Variants in UGT2B7 observed in about 807,000 individuals in gnomAD.
The protein encoded by UGT2B7 is UDP-glucuronosyltransferase 2B7.
UGT2B7 carries 51 observed loss-of-function variants against 51.9 expected under a neutral mutation model. The observed-to-expected ratio is 0.98, with a 90% CI of 0.78 to 1.24. The LOEUF (loss-of-function observed/expected upper bound fraction) is 1.24. Ranked by LOEUF, UGT2B7 falls within the 50% of genes most tolerant of loss-of-function variation. UGT2B7 has a pLI of 0.00. For synonymous variants in UGT2B7, 225 were observed against 211.6 expected, an observed-to-expected ratio of 1.06 and a Z score of -0.55; for missense variants, 727 against 628.4, an observed-to-expected ratio of 1.16 and a Z score of -1.68.
chr4:69,112,682 T>C lies in UGT2B7; in HGVS notation c.1536T>C (p.Cys512=). 6.2e-7 allele frequency: 1 copy of C among 1,613,902 alleles called. No individual in the cohort carries two copies. Among genetic ancestry groups the C allele is most frequent in the East Asian group, 2.2e-5 (1 of 44,864 alleles). ...ATVIFIVTKC[C]LFCFWKFARK... The stretch of plus-strand genomic sequence containing the variant: ...TGATATTTATCGTCACAAAATGTTG[T>C]CTGTTTTGTTTCTGGAAGTTTGCTA... The change falls in exon 6 of 6, where the codon TGT becomes TGC. Residue 512 remains cysteine, a synonymous_variant. Transcript: ENST00000305231.
At chr4:69,082,131 T>C (rs1323853897) in intron 1 of UGT2B7, among the ~76,000 whole-genome samples, 1 of 152,024 alleles carries the variant, frequency 6.6e-6, no homozygotes, top group Non-Finnish European at 1.5e-5. Flanking sequence ...ATGTCCAACT[T>C]AATAAATGGG....
chr4:69,108,352 G>A (rs913522391), intron 5 of UGT2B7, 30 bp downstream of exon 5: 1 of 1,607,310 alleles, frequency 6.2e-7, no homozygotes, highest in African/African-American at 1.3e-5. Flanking sequence ...TCACTAGGTG[G>A]TATTTACAGA....
At chr4:69,084,712 G>C (rs1284931168) in intron 1 of UGT2B7, among the ~76,000 whole-genome samples, 1 of 152,102 alleles carries the variant, frequency 6.6e-6, no homozygotes, top group Admixed American at 6.6e-5. Context: ...GTGAAAACAT[G>C]AAGTGTTTGG....
At position 69,112,470 on chromosome 4, in the gene UGT2B7, G is replaced by GT; in HGVS notation, c.1326dup (p.Met443TyrfsTer9). ...TTTATCTTTCAGATATAAAGAGAATGTTATGAAATTATCAAGAATTCAACA... is the reference window on the plus strand; with the variant it reads ...TTTATCTTTCAGATATAAAGAGAATGTTTATGAAATTATCAAGAATTCAACA... On this transcript the variant is annotated frameshift_variant, in exon 6 of 6. Transcript: ENST00000305231. LOFTEE classifies it high-confidence loss of function. The GT allele has an allele frequency of 6.2e-7, 1 of 1,613,608 alleles. No individual in the cohort carries two copies. Among genetic ancestry groups the GT allele is most frequent in the South Asian group, 1.1e-5 (1 of 91,018 alleles).
upstream of UGT2B7, among the ~76,000 whole-genome samples, chr4:69,093,158 T>A (rs984925517): frequency 2.0e-5 from 3 of 152,156 alleles, no homozygotes; most frequent in Non-Finnish European, 4.4e-5. Flanking sequence ...TGGAAATGAC[T>A]GGAGTCCCCT....
At chr4:69,108,962 T>C (rs1452165801) in intron 5 of UGT2B7, among the ~76,000 whole-genome samples, 2 of 152,108 alleles carry the variant, frequency 1.3e-5, no homozygotes, top group African/African-American at 4.8e-5. Flanking sequence ...GATTATTCTC[T>C]TTAGATATTT....
Position 69,098,707 on chromosome 4 carries a change from G to A in UGT2B7, c.870+19G>A. On this transcript the variant is annotated intron_variant, in intron 2 of 5. Coordinates refer to ENST00000305231, the MANE Select transcript of UGT2B7 (RefSeq NM_001074.4). ...GCCTAAGGTAAACATACTTTTGTTG[G>A]TTTTATTTTGTTGGCTTTGAATTTT... 6.2e-7 allele frequency: 1 copy of A among 1,602,456 alleles called. No homozygotes were observed. The highest frequency in any genetic ancestry group is 8.5e-7 in the Non-Finnish European group (1 of 1,176,512).
upstream of UGT2B7, chr4:69,096,398 T>C (rs1719222502): frequency 2.4e-5 from 35 of 1,449,650 alleles, 1 homozygote; most frequent in South Asian, 4.5e-4. Flanking sequence ...TTTAATGATA[T>C]TGTATGTACT....
chr4:69,074,405 G>A (rs775190204), intron 1 of UGT2B7, among the ~76,000 whole-genome samples: 6 of 136,918 alleles, frequency 4.4e-5, no homozygotes, highest in Non-Finnish European at 7.5e-5. Context: ...CAGCCTGGAC[G>A]ATGGAATAAC....
At chr4:69,072,735 A>G (rs1394067764) in intron 1 of UGT2B7, among the ~76,000 whole-genome samples, 2 of 152,144 alleles carry the variant, frequency 1.3e-5, no homozygotes, top group Non-Finnish European at 2.9e-5. Context: ...AGTGTTCTTT[A>G]TTGATGAAGC....
chr4:69,099,927 C>A (rs1236116096), intron 2 of UGT2B7, among the ~76,000 whole-genome samples: 4 of 151,938 alleles, frequency 2.6e-5, no homozygotes, highest in African/African-American at 9.7e-5. Flanking sequence ...GTAAGATGAG[C>A]TACTTGAAAT....
upstream of UGT2B7, among the ~76,000 whole-genome samples, chr4:69,093,573 G>A (rs1719137976): frequency 6.6e-6 from 1 of 152,182 alleles, no homozygotes; most frequent in Non-Finnish European, 1.5e-5. Flanking sequence ...CTGAAAGCCA[G>A]AGTATCTAAA....
intron 1 of UGT2B7, among the ~76,000 whole-genome samples, chr4:69,080,652 G>A (rs980685804): frequency 6.6e-6 from 1 of 151,818 alleles, no homozygotes; most frequent in East Asian, 1.9e-4. Context: ...GTTTTAAATA[G>A]TATTCCTTTG....
At chr4:69,057,497 A>T (rs1718232825) in intron 1 of UGT2B7, among the ~76,000 whole-genome samples, 15 of 152,240 alleles carry the variant, frequency 9.9e-5, no homozygotes, top group Admixed American at 9.8e-4. Context: ...TTAACGTAAG[A>T]TTACCATATG....
At chr4:69,101,218 A>G (rs1368269709) in intron 2 of UGT2B7, among the ~76,000 whole-genome samples, 2 of 152,112 alleles carry the variant, frequency 1.3e-5, no homozygotes, top group Non-Finnish European at 2.9e-5. Flanking sequence ...TAATAAGATT[A>G]AAATTATCTA....
rs149846053 is a variant in UGT2B7, at chr4:69,089,349, G to A, written c.-158-123G>A. The A allele has an allele frequency of 2.4e-3, 371 of 152,288 alleles. 3 individuals are homozygous for A. The highest frequency in any genetic ancestry group is 8.6e-3 in the African/African-American group (357 of 41,576). The allele number at this position is 152,288 out of a possible 1,614,324, so 9.4% of individuals were successfully genotyped here. On this transcript the variant is annotated intron_variant, in intron 1 of 5. Transcript: ENST00000502942. Reference sequence around the variant, plus strand: ...TTGTAGAGACTGGCAGTACATGGCAGAATATAGGGACAATATAACTATACA... The same window carrying A: ...TTGTAGAGACTGGCAGTACATGGCAAAATATAGGGACAATATAACTATACA...
chr4:69,109,989 T>G (rs1211709724), intron 5 of UGT2B7, among the ~76,000 whole-genome samples: 1 of 152,082 alleles, frequency 6.6e-6, no homozygotes, highest in East Asian at 1.9e-4. Context: ...AAAAAAAATA[T>G]ATAAAGCAAA....
At chr4:69,051,415 T>C (rs959103938) in exon 1 of UGT2B7, 3 of 152,228 alleles carry the variant, frequency 2.0e-5, no homozygotes, top group Admixed American at 1.3e-4. Context: ...AAGCCTGCCT[T>C]GTGGAGTGCC....
At chr4:69,080,658 C>T (rs1224799383) in intron 1 of UGT2B7, among the ~76,000 whole-genome samples, 2 of 151,964 alleles carry the variant, frequency 1.3e-5, no homozygotes. Context: ...AATAGTATTC[C>T]TTTGACTCGC....
Sources: gnomAD v4.1 joint callset for allele counts (sites outside exome capture counted in the v4.1 genomes callset) on GRCh38, gnomAD v4.1.1 for gene constraint, MANE v1.5 for transcripts, NCBI Gene and HGNC (gene_info 2026-07-23, HGNC 2026-07-21) for gene names.